The following DACH2 variants were observed in gnomAD, a reference collection of about 807,000 sequenced individuals.
DACH2 encodes the protein dachshund homolog 2.
A neutral mutation model predicts 35.8 loss-of-function variants in DACH2; 17 were observed. The ratio of observed to expected loss-of-function variants is 0.48; its 90% confidence interval spans 0.33 to 0.71. The LOEUF (loss-of-function observed/expected upper bound fraction) is 0.71, where lower values mean the gene tolerates loss of function less well. DACH2 is among the 30% of genes least tolerant of loss of function. The probability of loss-of-function intolerance (pLI) is 0.02; values close to 1 mark genes in which losing one functional copy is unlikely to be tolerated. For synonymous variants in DACH2, 195 were observed against 177.3 expected, an observed-to-expected ratio of 1.10 and a Z score of -0.79; for missense variants, 469 against 472.7, an observed-to-expected ratio of 0.99 and a Z score of 0.07.
intron 3 of DACH2, among the ~76,000 whole-genome samples, chrX:86,643,104 A>G (rs777942307): frequency 1.8e-5 from 2 of 110,050 alleles, no homozygotes; most frequent in Non-Finnish European, 3.8e-5. Flanking sequence ...AATAACAAAA[A>G]TCAGAGCTGA....
intron 2 of DACH2, among the ~76,000 whole-genome samples, chrX:86,486,254 CT>C (rs1218624125): frequency 9.0e-6 from 1 of 110,870 alleles, no homozygotes; most frequent in Non-Finnish European, 1.9e-5. Flanking sequence ...CTAAGGATCC[CT>C]TTTTTTTCTA....
chrX:86,553,853 C>T (rs1485857991), intron 3 of DACH2, among the ~76,000 whole-genome samples: 2 of 111,599 alleles, frequency 1.8e-5, no homozygotes, highest in Non-Finnish European at 3.8e-5. Context: ...CACTTCTTAA[C>T]CATATTTGCC....
At chrX:86,433,882 G>A (rs1432184991) in intron 2 of DACH2, among the ~76,000 whole-genome samples, 1 of 111,405 alleles carries the variant, frequency 9.0e-6, no homozygotes, top group East Asian at 2.8e-4. Flanking sequence ...AACAGAGAAG[G>A]CCCAAGCAAT....
chrX:86,445,591 A>T (rs1477182408), intron 2 of DACH2, among the ~76,000 whole-genome samples: 2 of 93,100 alleles, frequency 2.1e-5, no homozygotes, highest in African/African-American at 7.8e-5. Flanking sequence ...AGAAATTTTT[A>T]AAATGTCATC....
intron 3 of DACH2, among the ~76,000 whole-genome samples, chrX:86,648,797 A>C: frequency 9.0e-6 from 1 of 111,030 alleles, no homozygotes; most frequent in Non-Finnish European, 1.9e-5. Flanking sequence ...TAAAATAAAA[A>C]ATCAAATAAA....
intron 1 of DACH2, among the ~76,000 whole-genome samples, chrX:86,171,892 C>T (rs1277283921): frequency 9.0e-6 from 1 of 111,390 alleles, no homozygotes; most frequent in East Asian, 2.8e-4. Context: ...GCTTTCTATT[C>T]GGCTACCTTG....
At position 86,656,298 on chromosome X, in the gene DACH2, T is replaced by C. The variant is rs141712022; in HGVS notation, c.772+5131T>C. Among the ~76,000 whole-genome samples, 202 of 110,825 alleles carry C rather than the reference T, an allele frequency of 1.8e-3. 1 individual carries two copies. The highest frequency in any genetic ancestry group is 6.2e-3 in the African/African-American group (191 of 30,564). ...AAAGCACCTGTTGATTACAATCTTA[T>C]TGACAAAGATTTCTAAAATTAAAAT... On this transcript the variant is annotated intron_variant, in intron 4 of 11. Coordinates refer to ENST00000373125, the MANE Select transcript of DACH2 (RefSeq NM_053281.3).
intron 1 of DACH2, among the ~76,000 whole-genome samples, chrX:86,327,500 A>G (rs1216210037): frequency 8.9e-6 from 1 of 111,969 alleles, no homozygotes; most frequent in African/African-American, 3.2e-5. Flanking sequence ...ATAAGGGACA[A>G]AATTAAATAG....
chrX:86,518,308 A>T (rs1001693755), intron 3 of DACH2, among the ~76,000 whole-genome samples: 2 of 111,767 alleles, frequency 1.8e-5, no homozygotes, highest in African/African-American at 3.3e-5. Flanking sequence ...GCCTTGTAGT[A>T]TAGTTTGAAG....
At chrX:86,160,510 G>T (rs1402961819) in intron 1 of DACH2, 2 of 531,178 alleles carry the variant, frequency 3.8e-6, no homozygotes, top group Admixed American at 2.3e-5. Context: ...CAGCAAACTT[G>T]CATGCAGTGT....
In DACH2 at chrX:86,813,114, T is replaced by C. The variant is rs1169386626; in HGVS notation, c.1390-16T>C. On this transcript the variant is annotated splice_polypyrimidine_tract_variant and intron_variant, in intron 8 of 11. Coordinates refer to ENST00000373125, the MANE Select transcript of DACH2 (RefSeq NM_053281.3). ...CAGATAAGATGAACTGCATGTCATT[T>C]CCTGTACCTTGACAGGGTCTGCTGA... 1 of 1,199,601 alleles carries C rather than the reference T, an allele frequency of 8.3e-7. No individual in the cohort carries two copies. Among genetic ancestry groups the C allele is most frequent in the South Asian group, 1.8e-5 (1 of 54,333 alleles).
chrX:86,315,840 C>CAGAGAGAGAG lies in DACH2; in HGVS notation c.489-60981_489-60972dup, dbSNP rs1166125637. On this transcript the variant is annotated intron_variant, in intron 1 of 11. Coordinates refer to ENST00000373125, the MANE Select transcript of DACH2 (RefSeq NM_053281.3). ...ACACACACACACACACACACACACACAGAGAGAGAGAGGGAGATTGGAGCA... is the reference window on the plus strand; with the variant it reads ...ACACACACACACACACACACACACACAGAGAGAGAGAGAGAGAGAGAGGGAGATTGGAGCA... 6.0e-3 allele frequency among the ~76,000 whole-genome samples: 469 copies of CAGAGAGAGAG among 77,796 alleles called. 8 individuals are homozygous for CAGAGAGAGAG. The highest frequency in any genetic ancestry group is 0.016 in the South Asian group (19 of 1,191). The allele number at this position is 77,796 out of a possible 115,157, so 67.6% of individuals were successfully genotyped here. A position where few individuals can be genotyped will look rare whatever the true frequency, so the allele number is the denominator to read the frequency against.
At chrX:86,520,539 G>A (rs1210485501) in intron 3 of DACH2, among the ~76,000 whole-genome samples, 1 of 111,516 alleles carries the variant, frequency 9.0e-6, no homozygotes, top group East Asian at 2.8e-4. Flanking sequence ...GGGAGTCTAT[G>A]TCTCTTTGTA....
intron 1 of DACH2, among the ~76,000 whole-genome samples, chrX:86,363,635 C>T (rs2035768380): frequency 9.0e-6 from 1 of 111,197 alleles, no homozygotes. Context: ...TCTAGTAAGA[C>T]AACAAAATAG....
At chrX:86,520,837 TCTTG>T (rs1201638201) in intron 3 of DACH2, among the ~76,000 whole-genome samples, 1 of 111,733 alleles carries the variant, frequency 8.9e-6, no homozygotes, top group East Asian at 2.8e-4. Context: ...TGCCTTTAGG[TCTTG>T]CCTTTTTATC....
intron 1 of DACH2, among the ~76,000 whole-genome samples, chrX:86,260,478 C>A (rs2033605609): frequency 8.9e-6 from 1 of 111,883 alleles, no homozygotes; most frequent in Admixed American, 9.4e-5. Context: ...TTTGTATTAC[C>A]TATGTACTTT....
chrX:86,818,282 C>CA (rs1171186572), intron 11 of DACH2, among the ~76,000 whole-genome samples: 1 of 110,853 alleles, frequency 9.0e-6, no homozygotes, highest in Non-Finnish European at 1.9e-5. Context: ...ACAATTTAAT[C>CA]AAAAAAATTT....
chrX:86,267,892 A>T (rs2033739598), intron 1 of DACH2, among the ~76,000 whole-genome samples: 1 of 112,098 alleles, frequency 8.9e-6, no homozygotes, highest in African/African-American at 3.2e-5. Flanking sequence ...GGTAATATAG[A>T]TAAAAGAACT....
chrX:86,811,528 C>T (rs1211653914), intron 7 of DACH2, among the ~76,000 whole-genome samples: 1 of 111,548 alleles, frequency 9.0e-6, no homozygotes, highest in Non-Finnish European at 1.9e-5. Context: ...TATGGAGTCA[C>T]TGAATGTTTT....
Sources: allele counts gnomAD v4.1 joint callset (sites outside exome capture counted in the v4.1 genomes callset), GRCh38; gene constraint gnomAD v4.1.1; transcripts MANE v1.5; gene names NCBI Gene and HGNC (gene_info 2026-07-23, HGNC 2026-07-21).